RBFOX1: variants seen among roughly 807,000 people sequenced by gnomAD.
RBFOX1 encodes the protein RNA binding protein fox-1 homolog 1.
RBFOX1 carries 8 observed loss-of-function variants against 57.7 expected under a neutral mutation model. That is an observed-to-expected ratio of 0.14 (90% CI 0.08 to 0.25). RBFOX1 has a LOEUF of 0.25. Ranked by LOEUF, RBFOX1 falls within the 10% of genes least tolerant of loss-of-function variation. The pLI, the probability that RBFOX1 is intolerant of heterozygous loss-of-function variation, is 1.00. For synonymous variants in RBFOX1, 326 were observed against 222.4 expected (o/e 1.47, Z -4.15); for missense variants, 611 against 548.5 (o/e 1.11, Z -1.14).
Position 5,653,710 on chromosome 16 carries a change from C to T in RBFOX1, c.318+54749C>T, listed in dbSNP as rs17138268. 0.014 allele frequency among the ~76,000 whole-genome samples: 2,129 copies of T among 152,238 alleles called. 122 individuals are homozygous for T. The East Asian group carries it at 0.19, about 13-fold the overall frequency. The stretch of plus-strand genomic sequence containing the variant: ...GGTGCTGGCTCTGAGAGATACTGTT[C>T]ATTTTCCAAAAGTGCTTAGAGCCGC... On this transcript the variant is annotated intron_variant, in intron 3 of 19. Transcript: ENST00000641259.
At chr16:7,662,984 C>A (rs141894602) in intron 12 of RBFOX1, among the ~76,000 whole-genome samples, 2,267 of 152,232 alleles carry the variant, frequency 0.015, 25 homozygotes, top group Middle Eastern at 0.034. Context: ...CATGTCACTG[C>A]TTTTGGATGA....
rs1326396024 is a variant in RBFOX1, at chr16:6,391,012, T to C, written c.-64+73955T>C. Among the ~76,000 whole-genome samples, 4 of 152,174 alleles carry C rather than the reference T, an allele frequency of 2.6e-5. No homozygotes were observed. The East Asian group carries it at 7.7e-4, about 29-fold the overall frequency. On this transcript the variant is annotated intron_variant, in intron 2 of 15. Transcript: ENST00000550418. ...GTATAGTAAGATGTTCAGCAGCCTC[T>C]CTGGCCTCTACCCACTAGACGATAG...
At chr16:5,702,022 G>A (rs1010463653) in intron 3 of RBFOX1, among the ~76,000 whole-genome samples, 1 of 152,144 alleles carries the variant, frequency 6.6e-6, no homozygotes, top group African/African-American at 2.4e-5. Flanking sequence ...CAATAGACAC[G>A]TGTTGATGGA....
In RBFOX1 at chr16:6,450,832, T is replaced by C. The variant is rs57471383; in HGVS notation, c.-64+133775T>C. On this transcript the variant is annotated intron_variant, in intron 2 of 15. Coordinates refer to ENST00000550418, the MANE Select transcript of RBFOX1 (RefSeq NM_018723.4). ...ATATATATATACATATATATATATA[T>C]ATATGTGTATATATATATATATATA... Among the ~76,000 whole-genome samples the C allele has an allele frequency of 3.9e-3, 96 of 24,334 alleles. 16 individuals are homozygous for C. The highest frequency in any genetic ancestry group is 5.1e-3 in the Non-Finnish European group (69 of 13,464). 16.0% of individuals were successfully genotyped at this position (24,334 alleles called of 152,430 possible). A position where few individuals can be genotyped will look rare whatever the true frequency, so the allele number is the denominator to read the frequency against.
intron 4 of RBFOX1, among the ~76,000 whole-genome samples, chr16:7,220,404 C>T (rs755018957): frequency 6.6e-6 from 1 of 152,146 alleles, no homozygotes; most frequent in Admixed American, 6.5e-5. Flanking sequence ...AAAGAAGGTG[C>T]AATGCATTAC....
intron 4 of RBFOX1, among the ~76,000 whole-genome samples, chr16:7,497,693 A>C (rs1291765284): frequency 6.6e-6 from 1 of 152,254 alleles, no homozygotes; most frequent in African/African-American, 2.4e-5. Context: ...TGAATTAATG[A>C]ATGCAAGATA....
rs537503426 is a variant in RBFOX1 at position 6,366,331 on chromosome 16, C to G, written c.-64+49274C>G. Among the ~76,000 whole-genome samples the G allele has an allele frequency of 3.4e-4, 51 of 152,226 alleles. No individual in the cohort carries two copies. In the South Asian group the frequency reaches 9.7e-3, roughly 29 times the overall value. ...CCTTTTGGATATTGAACTATAAAGACTTCTACATTCCTATTTTATACATTT... is the reference window on the plus strand; with the variant it reads ...CCTTTTGGATATTGAACTATAAAGAGTTCTACATTCCTATTTTATACATTT... On this transcript the variant is annotated intron_variant, in intron 2 of 15. Coordinates refer to ENST00000550418, the MANE Select transcript of RBFOX1 (RefSeq NM_018723.4).
intron 3 of RBFOX1, among the ~76,000 whole-genome samples, chr16:6,917,507 A>C (rs1021210096): frequency 1.3e-5 from 2 of 152,212 alleles, no homozygotes; most frequent in African/African-American, 4.8e-5. Flanking sequence ...GAGAGTTGGT[A>C]GAAACACTCT....
At position 6,779,861 on chromosome 16, in the gene RBFOX1, T is replaced by TTA. The variant is rs1555459983; in HGVS notation, c.-16+125217_-16+125218dup. 5.3e-4 allele frequency among the ~76,000 whole-genome samples: 9 copies of TTA among 17,134 alleles called. 3 individuals carry two copies. Among genetic ancestry groups the TTA allele is most frequent in the Non-Finnish European group, 6.3e-4 (7 of 11,170 alleles). The allele number at this position is 17,134 out of a possible 152,430, so 11.2% of individuals were successfully genotyped here. A position where few individuals can be genotyped will look rare whatever the true frequency, so the allele number is the denominator to read the frequency against. ...TATTTATATATATATTTATATATAT[T>TTA]TATATATTTATATATATTTATATAT... On this transcript the variant is annotated intron_variant, in intron 3 of 15. Transcript: ENST00000550418.
intron 3 of RBFOX1, among the ~76,000 whole-genome samples, chr16:6,901,952 G>A (rs1014881750): frequency 6.6e-6 from 1 of 152,054 alleles, no homozygotes; most frequent in Non-Finnish European, 1.5e-5. Flanking sequence ...CAGAAAAATG[G>A]CACCTTCAGA....
intron 3 of RBFOX1, among the ~76,000 whole-genome samples, chr16:6,775,172 A>T (rs75334834): frequency 6.7e-6 from 1 of 149,746 alleles, no homozygotes; most frequent in East Asian, 2.0e-4. Flanking sequence ...AAAAGTACAA[A>T]AAAAAAAAAA....
intron 13 of RBFOX1, among the ~76,000 whole-genome samples, chr16:7,676,299 TC>T (rs1486167262): frequency 1.3e-5 from 2 of 152,146 alleles, no homozygotes; most frequent in Admixed American, 6.5e-5. Flanking sequence ...TAATAAACTT[TC>T]AATCAAAGGG....
chr16:6,222,470 G>A (rs961654243), intron 1 of RBFOX1, among the ~76,000 whole-genome samples: 6 of 151,652 alleles, frequency 4.0e-5, no homozygotes, highest in African/African-American at 1.5e-4. Context: ...TGTGACAATT[G>A]CATCATGACC....
chr16:7,464,520 C>T (rs1361304747), intron 4 of RBFOX1, among the ~76,000 whole-genome samples: 1 of 151,986 alleles, frequency 6.6e-6, no homozygotes, highest in Non-Finnish European at 1.5e-5. Context: ...GACCTCTTTT[C>T]TAGTAATTTC....
intron 2 of RBFOX1, among the ~76,000 whole-genome samples, chr16:5,541,342 C>G (rs1392161323): frequency 6.6e-6 from 1 of 152,054 alleles, no homozygotes; most frequent in Non-Finnish European, 1.5e-5. Flanking sequence ...AGGACACACG[C>G]CCATGACACT....
intron 3 of RBFOX1, among the ~76,000 whole-genome samples, chr16:5,662,906 T>G (rs1052327516): frequency 6.6e-6 from 1 of 152,196 alleles, no homozygotes; most frequent in East Asian, 1.9e-4. Flanking sequence ...AAAGAGCATA[T>G]ATCATGTAGC....
At chr16:5,873,507 A>G (rs374835094) in intron 4 of RBFOX1, among the ~76,000 whole-genome samples, 12 of 152,362 alleles carry the variant, frequency 7.9e-5, no homozygotes, top group Admixed American at 3.3e-4. Flanking sequence ...GTCTTAATTC[A>G]AGAGTCCAGA....
chr16:5,497,622 CAAAA>C (rs911723996), intron 2 of RBFOX1, among the ~76,000 whole-genome samples: 1 of 53,428 alleles, frequency 1.9e-5, no homozygotes, highest in African/African-American at 1.1e-4. Context: ...ACTAAAAATA[CAAAA>C]AAAAAAAAAA....
chr16:6,383,641 G>A (rs1217632221), intron 2 of RBFOX1, among the ~76,000 whole-genome samples: 30 of 152,040 alleles, frequency 2.0e-4, no homozygotes, highest in Admixed American at 2.0e-3. Flanking sequence ...CGTATGGTGT[G>A]TGCCTATAAT....
Sources: gnomAD v4.1 joint callset for allele counts (sites outside exome capture counted in the v4.1 genomes callset) on GRCh38, gnomAD v4.1.1 for gene constraint, MANE v1.5 for transcripts, NCBI Gene and HGNC (gene_info 2026-07-23, HGNC 2026-07-21) for gene names.